BLM: variants seen among roughly 807,000 people sequenced by gnomAD.
The protein encoded by BLM is recQ-like DNA helicase BLM.
BLM carries 95 observed loss-of-function variants against 135.3 expected under a neutral mutation model. The ratio of observed to expected loss-of-function variants is 0.70; its 90% CI spans 0.59 to 0.83. The LOEUF is 0.83. Ranked by LOEUF, BLM falls within the 40% of genes least tolerant of loss-of-function variation. The pLI is 0.00. For synonymous variants in BLM, 520 were observed against 589.2 expected, an observed-to-expected ratio of 0.88 and a Z score of 1.70; for missense variants, 1,518 against 1,663.9, an observed-to-expected ratio of 0.91 and a Z score of 1.53.
rs144717652 is a variant in BLM at position 90,756,040 on chromosome 15, A to G, written c.1087+1102A>G. 4.3e-3 allele frequency among the ~76,000 whole-genome samples: 661 copies of G among 152,194 alleles called. 6 individuals carry two copies. Among genetic ancestry groups the G allele is most frequent in the African/African-American group, 0.015 (608 of 41,550 alleles). On this transcript the variant is annotated intron_variant, in intron 5 of 21. Transcript: ENST00000355112. Reference sequence around the variant, plus strand: ...TGACTGATGTGCTGGGCGCTCTTATAAAGTGCCTTACAATATTAACTAATT... The same window carrying G: ...TGACTGATGTGCTGGGCGCTCTTATGAAGTGCCTTACAATATTAACTAATT...
intron 19 of BLM, chr15:90,808,913 G>T (rs1567065518): frequency 3.3e-6 from 2 of 609,920 alleles, no homozygotes; most frequent in East Asian, 5.8e-5. Flanking sequence ...CCCTTGCTCT[G>T]CCCTGGCCTA....
chr15:90,776,915 A>T (rs984559304), intron 12 of BLM, among the ~76,000 whole-genome samples: 1 of 152,236 alleles, frequency 6.6e-6, no homozygotes, highest in Non-Finnish European at 1.5e-5. Context: ...AAAATGGGAA[A>T]TGACCACCAT....
At chr15:90,798,123 T>A in intron 16 of BLM, 67 bp from the exon 17 acceptor site, 1 of 1,394,404 alleles carries the variant, frequency 7.2e-7, no homozygotes, top group Non-Finnish European at 1.0e-6. Context: ...ATAGTTAATA[T>A]TAAACCCTAG....
chr15:90,784,940 CT>C lies in BLM; in HGVS notation c.2683del (p.Cys895AlafsTer67). 6.2e-7 allele frequency: 1 copy of C among 1,613,830 alleles called. No homozygotes were observed. Among genetic ancestry groups the C allele is most frequent in the Non-Finnish European group, 8.5e-7 (1 of 1,179,790 alleles). On this transcript the variant is annotated frameshift_variant, in exon 14 of 22. Transcript: ENST00000355112. LOFTEE classifies it high-confidence loss of function. ...TGGCAGATGATTCAGGGATAATTTA[CT>C]GCCTCTCCAGGCGAGAATGTGACAC... ...HHPYDSGIIY[C>X]LSRRECDTMA...
At chr15:90,799,896 G>A (rs922308907) in intron 17 of BLM, among the ~76,000 whole-genome samples, 2 of 152,154 alleles carry the variant, frequency 1.3e-5, no homozygotes, top group Non-Finnish European at 2.9e-5. Context: ...AGGGGAGAAG[G>A]AGGGGGGCAC....
intron 16 of BLM, 106 bp from the exon 17 acceptor site, chr15:90,798,084 G>A: frequency 9.8e-7 from 1 of 1,017,240 alleles, no homozygotes; most frequent in Non-Finnish European, 1.4e-6. Context: ...CTCGGTATTG[G>A]TCTGGAAATG....
intron 1 of BLM, among the ~76,000 whole-genome samples, chr15:90,725,920 T>A (rs1158695450): frequency 1.3e-5 from 2 of 152,098 alleles, no homozygotes; most frequent in Non-Finnish European, 2.9e-5. Context: ...CATACACATT[T>A]ACATAGGTGT....
rs567844563 is a variant in BLM, at chr15:90,727,639, G to T, written c.-5+10199G>T. On this transcript the variant is annotated intron_variant, in intron 1 of 21. Coordinates refer to ENST00000355112, the MANE Select transcript of BLM (RefSeq NM_000057.4). ...AGAGTCTCTAACCAGCTTCTTTTGG[G>T]CAGAAACATTGCACACACATAGCTG... Among the ~76,000 whole-genome samples the T allele has an allele frequency of 3.3e-5, 5 of 152,196 alleles. No homozygotes were observed. The East Asian group carries it at 9.6e-4, about 29-fold the overall frequency.
In BLM at chr15:90,798,284, A is replaced by G. The variant is rs778994524; in HGVS notation, c.3305A>G (p.His1102Arg). 3 of 1,612,880 alleles carry G rather than the reference A, an allele frequency of 1.9e-6. No individual in the cohort carries two copies. Among genetic ancestry groups the G allele is most frequent in the East Asian group, 4.5e-5 (2 of 44,766 alleles). Residue 1102 changes from histidine (H) to arginine (R), a missense_variant, in exon 17 of 22, where the codon CAT (histidine) becomes CGT (arginine). By Grantham distance (29) the His-to-Arg change is conservative (BLOSUM62 0). Around this residue, in one of 5 missense-constraint regions of BLM, gnomAD observed 626 missense variants for 681.1 expected, o/e 0.92. Transcript: ENST00000355112. The part of the protein sequence containing the change: ...SSSQGMRNIK[H>R]VGPSGRFTMN... Reference sequence around the variant, plus strand: ...TCACAAGGAATGAGAAATATAAAACATGTAGGTCCTTCTGGAAGATTTACT... The same window carrying G: ...TCACAAGGAATGAGAAATATAAAACGTGTAGGTCCTTCTGGAAGATTTACT...
rs2151195000 is a variant in BLM at position 90,804,349 on chromosome 15, G to A, written c.3741G>A (p.Lys1247=). The change falls in exon 19 of 22, where the codon AAG becomes AAA. Residue 1247 remains lysine, a synonymous_variant. Coordinates refer to ENST00000355112, the MANE Select transcript of BLM (RefSeq NM_000057.4). ...YFNIFNTVTL[K]KLAESLSSDP... ...ATATTTTTAATACCGTCACTCTCAA[G>A]AAGCTTGCAGGTGGGTACACATGTA... 1.2e-6 allele frequency: 2 copies of A among 1,613,870 alleles called. No homozygotes were observed. Among genetic ancestry groups the A allele is most frequent in the Non-Finnish European group, 1.7e-6 (2 of 1,179,752 alleles).
intron 12 of BLM, among the ~76,000 whole-genome samples, chr15:90,770,607 A>G (rs1896287670): frequency 6.6e-6 from 1 of 152,232 alleles, no homozygotes; most frequent in Admixed American, 6.5e-5. Flanking sequence ...TGCCGAGTTT[A>G]AAGTATTTTT....
rs2151194943 is a variant in BLM, at chr15:90,804,283, C to G, written c.3675C>G (p.Val1225=). The change falls in exon 19 of 22, where the codon GTC becomes GTG. Residue 1225 remains valine (V), a synonymous_variant. Transcript: ENST00000355112. ...VKKCLGELTE[V]CKSLGKVFGV... ...AATGTCTTGGAGAACTTACAGAAGT[C>G]TGCAAATCTCTGGGGAAAGTTTTTG... 1 of 1,614,134 alleles carries G rather than the reference C, an allele frequency of 6.2e-7. No homozygotes were observed. Among genetic ancestry groups the G allele is most frequent in the Non-Finnish European group, 8.5e-7 (1 of 1,179,982 alleles).
At chr15:90,797,951 C>T (rs1897069803) in intron 16 of BLM, among the ~76,000 whole-genome samples, 1 of 152,078 alleles carries the variant, frequency 6.6e-6, no homozygotes, top group South Asian at 2.1e-4. Flanking sequence ...TGTTTCTACC[C>T]ACAGAGTGCT....
intron 19 of BLM, among the ~76,000 whole-genome samples, chr15:90,805,377 A>G (rs558935567): frequency 3.9e-5 from 6 of 152,220 alleles, no homozygotes; most frequent in African/African-American, 1.4e-4. Flanking sequence ...AGGTTGAGGC[A>G]GGAAAGTAGC....
At chr15:90,784,854 T>C in intron 13 of BLM, 67 bp from the exon 14 acceptor site, 1 of 1,499,526 alleles carries the variant, frequency 6.7e-7, no homozygotes, top group Non-Finnish European at 9.2e-7. Context: ...TCTGAAAATG[T>C]AGTGTAAATT....
chr15:90,747,699 A>T, intron 2 of BLM: 1 of 501,286 alleles, frequency 2.0e-6, no homozygotes. Context: ...TTCCTGGCAC[A>T]TAATATTTGC....
intron 19 of BLM, among the ~76,000 whole-genome samples, chr15:90,808,431 G>A (rs1363782107): frequency 6.6e-6 from 1 of 152,190 alleles, no homozygotes; most frequent in Non-Finnish European, 1.5e-5. Flanking sequence ...TTGCTTCACT[G>A]TGTCTCCACT....
At chr15:90,759,953 A>G in intron 5 of BLM, 194 bp from the exon 6 acceptor site, 1 of 434,180 alleles carries the variant, frequency 2.3e-6, no homozygotes, top group Non-Finnish European at 4.2e-6. Context: ...CAAGATCTTA[A>G]GACTTTTTTT....
chr15:90,724,156 G>A (rs900622756), intron 1 of BLM, among the ~76,000 whole-genome samples: 1 of 151,976 alleles, frequency 6.6e-6, no homozygotes, highest in African/African-American at 2.4e-5. Context: ...GAGACTACAG[G>A]AGTGTACCAC....
Sources: allele counts gnomAD v4.1 joint callset (sites outside exome capture counted in the v4.1 genomes callset), GRCh38; gene constraint gnomAD v4.1.1; regional missense constraint gnomAD v4.1.1; transcripts MANE v1.5; gene names NCBI Gene and HGNC (gene_info 2026-07-23, HGNC 2026-07-21).